LARGE1: variants seen among roughly 807,000 people sequenced by gnomAD.
The protein encoded by LARGE1 is xylosyl- and glucuronyltransferase LARGE1.
A neutral mutation model predicts 87.6 loss-of-function variants in LARGE1; 43 were observed. That is an observed-to-expected ratio of 0.49 (90% confidence interval 0.38 to 0.63). The LOEUF is 0.63. Ranked by LOEUF, LARGE1 falls within the 30% of genes least tolerant of loss-of-function variation. LARGE1 has a pLI of 0.00. For missense variants in LARGE1, 802 were observed against 1,000.2 expected, an observed-to-expected ratio of 0.80 and a Z score of 2.67; for synonymous variants, 434 against 394.6, an observed-to-expected ratio of 1.10 and a Z score of -1.18.
chr22:33,619,125 G>A (rs1030120659), intron 4 of LARGE1, among the ~76,000 whole-genome samples: 4 of 152,230 alleles, frequency 2.6e-5, no homozygotes, highest in Middle Eastern at 3.4e-3. Flanking sequence ...TTGAGTGTCC[G>A]TGTGCCTAAT....
intron 6 of LARGE1, among the ~76,000 whole-genome samples, chr22:33,514,043 A>G (rs1177376595): frequency 1.1e-4 from 16 of 152,238 alleles, no homozygotes; most frequent in Non-Finnish European, 7.3e-5. Flanking sequence ...GCAACAGGCT[A>G]TACCATATAG....
chr22:33,665,617 G>A lies in LARGE1; in HGVS notation c.107-14949C>T, dbSNP rs143312133. On this transcript the variant is annotated intron_variant, in intron 2 of 14. Coordinates refer to ENST00000397394, the MANE Select transcript of LARGE1 (RefSeq NM_133642.5). Reference sequence around the variant, plus strand: ...TTTAAAGAAGCAGAAACAGGGCTGCGCGCGGTGGCTCATACCTGTAATTCC... The same window carrying A: ...TTTAAAGAAGCAGAAACAGGGCTGCACGCGGTGGCTCATACCTGTAATTCC... Among the ~76,000 whole-genome samples, 826 of 152,286 alleles carry A rather than the reference G, an allele frequency of 5.4e-3. 9 individuals carry two copies. The highest frequency in any genetic ancestry group is 0.019 in the African/African-American group (793 of 41,546).
intron 11 of LARGE1, among the ~76,000 whole-genome samples, chr22:33,188,888 A>G (rs1923626457): frequency 6.6e-6 from 1 of 151,880 alleles, no homozygotes; most frequent in East Asian, 1.9e-4. Flanking sequence ...GCATCTCTCT[A>G]TTGCCTGTCA....
intron 11 of LARGE1, among the ~76,000 whole-genome samples, chr22:33,237,678 C>T (rs62232906): frequency 0.062 from 9,400 of 152,266 alleles, 344 homozygotes; most frequent in Middle Eastern, 0.085. Flanking sequence ...AGTGAGATTT[C>T]ATTATCCATG....
intron 1 of LARGE1, among the ~76,000 whole-genome samples, chr22:33,849,141 T>C (rs1471000609): frequency 1.3e-5 from 2 of 152,210 alleles, no homozygotes; most frequent in East Asian, 1.9e-4. Flanking sequence ...CTAGGAATGA[T>C]AGTGTGTCAT....
chr22:33,547,400 G>A (rs2077390493), intron 6 of LARGE1, among the ~76,000 whole-genome samples: 1 of 152,198 alleles, frequency 6.6e-6, no homozygotes, highest in South Asian at 2.1e-4. Flanking sequence ...CTGACAGGAG[G>A]TGAAGGTCAG....
chr22:33,096,363 C>T, the LARGE1 span, among the ~76,000 whole-genome samples: 1 of 147,072 alleles, frequency 6.8e-6, no homozygotes, highest in Non-Finnish European at 1.5e-5. Flanking sequence ...TGCAATGAGC[C>T]GAGGTCATTC....
intron 7 of LARGE1, among the ~76,000 whole-genome samples, chr22:33,421,607 C>T (rs918506100): frequency 2.6e-5 from 4 of 152,240 alleles, no homozygotes; most frequent in African/African-American, 7.2e-5. Context: ...TGAGCATTTA[C>T]TATGTGCTAA....
intron 7 of LARGE1, among the ~76,000 whole-genome samples, chr22:33,391,872 C>T (rs1188190508): frequency 1.3e-5 from 2 of 149,212 alleles, no homozygotes; most frequent in South Asian, 2.1e-4. Context: ...CGGGTTCTAG[C>T]GATTCTCCTG....
chr22:33,545,269 T>C (rs1004157082), intron 6 of LARGE1, among the ~76,000 whole-genome samples: 41 of 150,168 alleles, frequency 2.7e-4, no homozygotes, highest in Middle Eastern at 3.4e-3. Flanking sequence ...CTTTTCTTTT[T>C]TTTTTTTTTT....
chr22:33,361,301 G>C (rs2064379465), intron 9 of LARGE1, among the ~76,000 whole-genome samples: 1 of 149,632 alleles, frequency 6.7e-6, no homozygotes, highest in Non-Finnish European at 1.5e-5. Context: ...CAGCCTCTTG[G>C]AGCTGATGAC....
downstream of LARGE1, among the ~76,000 whole-genome samples, chr22:33,268,025 G>C (rs143413925): frequency 3.0e-3 from 448 of 150,990 alleles, 12 homozygotes; most frequent in African/African-American, 0.011. Flanking sequence ...GCGCGATCTC[G>C]GCTCACTGCA....
intron 5 of LARGE1, among the ~76,000 whole-genome samples, chr22:33,595,337 G>A (rs1252389228): frequency 6.6e-6 from 1 of 152,092 alleles, no homozygotes; most frequent in Non-Finnish European, 1.5e-5. Context: ...GGTGAGTTGG[G>A]ACACTTCACT....
chr22:33,387,743 C>G (rs1368634957), intron 7 of LARGE1, among the ~76,000 whole-genome samples: 1 of 152,170 alleles, frequency 6.6e-6, no homozygotes, highest in Admixed American at 6.5e-5. Flanking sequence ...GATGCAGGAT[C>G]ATCCTCCCTG....
At chr22:33,502,785 T>C (rs112663157) in intron 6 of LARGE1, among the ~76,000 whole-genome samples, 64 of 152,276 alleles carry the variant, frequency 4.2e-4, no homozygotes, top group African/African-American at 1.3e-3. Flanking sequence ...GCCAGGATGG[T>C]CTCGATCTCT....
downstream of LARGE1, among the ~76,000 whole-genome samples, chr22:33,162,066 C>G (rs749795900): frequency 6.6e-6 from 1 of 152,162 alleles, no homozygotes; most frequent in Non-Finnish European, 1.5e-5. Flanking sequence ...TCTGAGCCCT[C>G]CAAACTGTTC....
chr22:33,770,320 T>C (rs898425665), intron 1 of LARGE1, among the ~76,000 whole-genome samples: 1 of 152,250 alleles, frequency 6.6e-6, no homozygotes, highest in Non-Finnish European at 1.5e-5. Flanking sequence ...AGCTCATTTC[T>C]AAAGCTTCAT....
chr22:33,517,790 A>T (rs2148484765), intron 6 of LARGE1, among the ~76,000 whole-genome samples: 1 of 152,282 alleles, frequency 6.6e-6, no homozygotes, highest in African/African-American at 2.4e-5. Context: ...TAGGAAGGAG[A>T]ATGCATGGCC....
chr22:33,416,521 T>TA (rs1313450808), intron 7 of LARGE1, among the ~76,000 whole-genome samples: 3 of 152,206 alleles, frequency 2.0e-5, no homozygotes, highest in Admixed American at 1.3e-4. Flanking sequence ...TTTTTGGCTC[T>TA]ATGTGGGTCA....
Sources: gnomAD v4.1 joint callset for allele counts (sites outside exome capture counted in the v4.1 genomes callset) on GRCh38, gnomAD v4.1.1 for gene constraint, MANE v1.5 for transcripts, NCBI Gene and HGNC (gene_info 2026-07-23, HGNC 2026-07-21) for gene names.